VGLL4: variants seen among roughly 807,000 people sequenced by gnomAD.
VGLL4 encodes the protein vestigial like family member 4, also known as transcription cofactor vestigial-like protein 4.
VGLL4 carries 7 observed loss-of-function variants against 21.0 expected under a neutral mutation model. That is an observed-to-expected ratio of 0.33 (90% CI 0.19 to 0.63). The LOEUF (loss-of-function observed/expected upper bound fraction) is 0.63. Among genes scored for constraint, VGLL4 ranks in the 20% least tolerant of loss-of-function variants. The pLI is 0.78. For synonymous variants in VGLL4, 222 were observed against 173.2 expected (o/e 1.28, Z -2.21); for missense variants, 394 against 425.7 (o/e 0.93, Z 0.66).
At chr3:11,643,374 A>G in intron 1 of VGLL4, 63 bp downstream of exon 1, 1 of 1,612,990 alleles carries the variant, frequency 6.2e-7, no homozygotes, top group Non-Finnish European at 8.5e-7. Context: ...GCAGGCACCC[A>G]GCACACTGAG....
chr3:11,613,557 TC>T (rs1349194878), intron 1 of VGLL4, among the ~76,000 whole-genome samples: 1 of 152,152 alleles, frequency 6.6e-6, no homozygotes, highest in Non-Finnish European at 1.5e-5. Flanking sequence ...CGGGTACTGT[TC>T]TGGGAGGCAC....
At chr3:11,706,706 G>C (rs777623239) in intron 1 of VGLL4, among the ~76,000 whole-genome samples, 16 of 152,148 alleles carry the variant, frequency 1.1e-4, no homozygotes, top group Non-Finnish European at 2.1e-4. Flanking sequence ...GGATCGCACT[G>C]TGTTTCTGTA....
chr3:11,609,344 T>G (rs1188540730), intron 1 of VGLL4, among the ~76,000 whole-genome samples: 3 of 152,200 alleles, frequency 2.0e-5, no homozygotes, highest in Non-Finnish European at 4.4e-5. Context: ...CTTTACATAG[T>G]GGTAGAAAAA....
chr3:11,645,747 G>A (rs1009377857), upstream of VGLL4, among the ~76,000 whole-genome samples: 3 of 152,008 alleles, frequency 2.0e-5, no homozygotes, highest in African/African-American at 4.8e-5. Context: ...TGAGACGGGC[G>A]GATCACTTGA....
chr3:11,583,182 CA>C (rs2074278930), intron 2 of VGLL4, among the ~76,000 whole-genome samples: 1 of 152,194 alleles, frequency 6.6e-6, no homozygotes, highest in Non-Finnish European at 1.5e-5. Context: ...CAGCTGCTTT[CA>C]GAAAGTAACA....
chr3:11,568,661 C>T lies in VGLL4; in HGVS notation c.273-3642G>A. On this transcript the variant is annotated intron_variant, in intron 2 of 4. Transcript: ENST00000430365. The surrounding 1 kb of genome is among the most constrained non-coding windows in gnomAD (Gnocchi z 5.9). ...TTCAAGACAGACATTGTTTTCCAGGCCCCGCTCGCCCGGATGAATCACCTC... is the reference window on the plus strand; with the variant it reads ...TTCAAGACAGACATTGTTTTCCAGGTCCCGCTCGCCCGGATGAATCACCTC... 4 of 1,559,456 alleles carry T rather than the reference C, an allele frequency of 2.6e-6. No individual in the cohort carries two copies. Among genetic ancestry groups the T allele is most frequent in the Non-Finnish European group, 3.5e-6 (4 of 1,150,554 alleles).
chr3:11,646,156 GAA>G (rs2075787991), upstream of VGLL4, among the ~76,000 whole-genome samples: 1 of 152,166 alleles, frequency 6.6e-6, no homozygotes, highest in South Asian at 2.1e-4. Context: ...AAGCTATAGT[GAA>G]AGATATGTAT....
chr3:11,679,144 G>C (rs1007595811), intron 2 of VGLL4, among the ~76,000 whole-genome samples: 5 of 152,174 alleles, frequency 3.3e-5, no homozygotes, highest in Admixed American at 1.3e-4. Flanking sequence ...ATTTTTTAAA[G>C]TTAACTGTAA....
intron 2 of VGLL4, among the ~76,000 whole-genome samples, chr3:11,687,694 C>A (rs1246758753): frequency 6.6e-6 from 1 of 152,192 alleles, no homozygotes; most frequent in Non-Finnish European, 1.5e-5. Flanking sequence ...TTATAACCAG[C>A]TGCCTTAATT....
intron 3 of VGLL4, among the ~76,000 whole-genome samples, chr3:11,560,441 G>A (rs1435425203): frequency 1.3e-5 from 2 of 152,236 alleles, no homozygotes; most frequent in Non-Finnish European, 2.9e-5. Context: ...GACCAATGGT[G>A]ACAGCAGTGT....
chr3:11,612,604 C>T (rs2075084765), intron 1 of VGLL4: 1 of 152,236 alleles, frequency 6.6e-6, no homozygotes, highest in African/African-American at 2.4e-5. Context: ...ATTCTTGGTC[C>T]TCCATTCCCT....
At chr3:11,589,134 G>A (rs1017363139) in intron 2 of VGLL4, among the ~76,000 whole-genome samples, 4 of 152,102 alleles carry the variant, frequency 2.6e-5, no homozygotes, top group Admixed American at 6.5e-5. Flanking sequence ...TAAGACAAGG[G>A]ACTGCACTCT....
rs375401156 is a variant in VGLL4, at chr3:11,601,817, G to C, written c.272+16C>G. ...ACGGAGCACCCTTAAGCCAAAATAAGAACAGAGGAACTCACAGATGGGGGT... is the reference window on the plus strand; with the variant it reads ...ACGGAGCACCCTTAAGCCAAAATAACAACAGAGGAACTCACAGATGGGGGT... On this transcript the variant is annotated intron_variant, in intron 2 of 4. Coordinates refer to ENST00000430365, the MANE Select transcript of VGLL4 (RefSeq NM_001128219.3). 257 of 1,612,982 alleles carry C rather than the reference G, an allele frequency of 1.6e-4. No individual in the cohort carries two copies. The African/African-American group carries it at 2.1e-3, about 13-fold the overall frequency.
chr3:11,702,745 C>CA (rs372702459), intron 2 of VGLL4: 5,837 of 184,956 alleles, frequency 0.032, 1 homozygote, highest in East Asian at 0.056. Flanking sequence ...AAAAAAAAAA[C>CA]AAAAAAAAAA....
intron 2 of VGLL4, among the ~76,000 whole-genome samples, chr3:11,589,514 A>C (rs916631637): frequency 3.3e-5 from 5 of 152,232 alleles, no homozygotes; most frequent in Admixed American, 6.5e-5. Flanking sequence ...TTTTGGAACC[A>C]AATAAAATGC....
At chr3:11,643,076 C>G (rs866717020) in intron 1 of VGLL4, among the ~76,000 whole-genome samples, 4 of 152,178 alleles carry the variant, frequency 2.6e-5, no homozygotes, top group South Asian at 2.1e-4. Flanking sequence ...AGCCCCTCCC[C>G]CAAAGAGGCT....
At chr3:11,677,513 G>C (rs1333158829) in intron 2 of VGLL4, among the ~76,000 whole-genome samples, 1 of 152,078 alleles carries the variant, frequency 6.6e-6, no homozygotes, top group African/African-American at 2.4e-5. Flanking sequence ...GGGCCCAAGT[G>C]ATCCACCCAC....
chr3:11,668,615 A>T (rs912579944), intron 2 of VGLL4, among the ~76,000 whole-genome samples: 1 of 152,182 alleles, frequency 6.6e-6, no homozygotes, highest in African/African-American at 2.4e-5. Flanking sequence ...GTCATCAGAA[A>T]CCTTCAATGG....
Position 11,559,444 on chromosome 3 carries a change from G to T in VGLL4, c.507C>A (p.Ser169=). The T allele has an allele frequency of 6.4e-7, 1 of 1,565,386 alleles. No homozygotes were observed. The highest frequency in any genetic ancestry group is 8.7e-7 in the Non-Finnish European group (1 of 1,155,832). The part of the protein sequence containing the change: ...TPGERQQNRP[S]VITCASAGAR... ...CGCCAGCCGAGGCACAGGTGATCACGGAGGGCCGGTTCTGCGGGGAGGAGG... is the reference window on the plus strand; with the variant it reads ...CGCCAGCCGAGGCACAGGTGATCACTGAGGGCCGGTTCTGCGGGGAGGAGG... The change falls in exon 4 of 5, where the codon TCC becomes TCA. Residue 169 remains serine, a synonymous_variant. Coordinates refer to ENST00000430365, the MANE Select transcript of VGLL4 (RefSeq NM_001128219.3).
Sources: allele counts gnomAD v4.1 joint callset (sites outside exome capture counted in the v4.1 genomes callset), GRCh38; gene constraint gnomAD v4.1.1; non-coding constraint Gnocchi (gnomAD v3.1); transcripts MANE v1.5; gene names NCBI Gene and HGNC (gene_info 2026-07-23, HGNC 2026-07-21).